ADGRF3: variants seen among roughly 807,000 people sequenced by gnomAD.
ADGRF3 encodes the protein adhesion G protein-coupled receptor F3.
ADGRF3 carries 85 observed loss-of-function variants against 93.2 expected under a neutral mutation model. That is an observed-to-expected ratio of 0.91 (90% CI 0.77 to 1.09). ADGRF3 has a LOEUF of 1.09. ADGRF3 is among the 50% of genes least tolerant of loss of function. The probability of loss-of-function intolerance (pLI) is 0.00; values close to 1 mark genes in which losing one functional copy is unlikely to be tolerated. For missense variants in ADGRF3, 1,125 were observed against 1,246.2 expected (o/e 0.90, Z 1.46); for synonymous variants, 534 against 532.5 (o/e 1.00, Z -0.04).
Position 26,310,193 on chromosome 2 carries a change from T to A in ADGRF3, c.2874+3A>T. On this transcript the variant is annotated splice_donor_region_variant and intron_variant, in intron 11 of 13. Transcript: ENST00000651242. ...AGGCAGGGGGTTAGGTGGGCAGACT[T>A]ACCTTCCTGTCCATGAGGCAACCAA... 6.2e-7 allele frequency: 1 copy of A among 1,614,026 alleles called. No homozygotes were observed. The highest frequency in any genetic ancestry group is 2.2e-5 in the East Asian group (1 of 44,872).
rs770086924 is a variant in ADGRF3 at position 26,311,779 on chromosome 2, G to T, written c.1745C>A (p.Thr582Asn). 1.2e-6 allele frequency: 2 copies of T among 1,613,738 alleles called. No homozygotes were observed. Among genetic ancestry groups the T allele is most frequent in the Middle Eastern group, 1.7e-4 (1 of 6,060 alleles). ...CACCAGGCTAGTAATACTTATTTCA[G>T]TTCCATTACGGACCAATGGGGCCAG... ...HSLAPLVRNG[T>N]EISITSLVLR... The change falls in exon 10 of 14, where the codon ACT becomes AAT. Residue 582 changes from threonine to asparagine, a missense_variant. Physicochemically the swap from Thr to Asn is moderately conservative, Grantham distance 65. Coordinates refer to ENST00000651242, the MANE Select transcript of ADGRF3 (RefSeq NM_001321971.2).
intron 5 of ADGRF3, 21 bp from the exon 6 acceptor site, chr2:26,314,644 C>T (rs372817841): frequency 2.8e-4 from 445 of 1,588,898 alleles, no homozygotes; most frequent in Middle Eastern, 6.6e-4. Context: ...GTGTGTGCGG[C>T]GCTATGTGGC....
chr2:26,316,297 C>T lies in ADGRF3; in HGVS notation c.477G>A (p.Gly159=). 1.9e-6 allele frequency: 3 copies of T among 1,551,712 alleles called. No homozygotes were observed. The highest frequency in any genetic ancestry group is 2.6e-6 in the Non-Finnish European group (3 of 1,146,940). Residue 159 remains glycine (G), a synonymous_variant, in exon 4 of 14, where the codon GGG becomes GGA. Coordinates refer to ENST00000651242, the MANE Select transcript of ADGRF3 (RefSeq NM_001321971.2). ...CACCAGGTGGCAGCAACTGGCAGTA[C>T]CCGGGTTCGGGATGGCTGAAGACAA... is the stretch of plus-strand genomic sequence containing the variant. ...GCLVFSHPEP[G]YCQLLPPVPG...
chr2:26,310,704 G>T lies in ADGRF3; in HGVS notation c.2820C>A (p.Leu940=). ...STVPHYIFTI[L]NTLQGVFILL... is the part of the protein sequence containing the mutation. ...CCCTATCACCTACCTGGAGGGTGTT[G>T]AGAATGGTGAAGATGTAATGAGGGA... The change falls in exon 10 of 14, where the codon CTC becomes CTA. Residue 940 remains leucine (L), a synonymous_variant. Coordinates refer to ENST00000651242, the MANE Select transcript of ADGRF3 (RefSeq NM_001321971.2). 1 of 1,611,432 alleles carries T rather than the reference G, an allele frequency of 6.2e-7. No homozygotes were observed. Among genetic ancestry groups the T allele is most frequent in the South Asian group, 1.1e-5 (1 of 90,496 alleles).
chr2:26,319,562 C>CTTCCTTCCCTTCTTTCT (rs1674994868), intron 1 of ADGRF3, among the ~76,000 whole-genome samples: 1 of 34,576 alleles, frequency 2.9e-5, no homozygotes, highest in Non-Finnish European at 6.4e-5. Flanking sequence ...TCCCTCCCTC[C>CTTCCTTCCCTTCTTTCT]CTCCCTTCCT....
Position 26,315,792 on chromosome 2 carries a change from A to G in ADGRF3, c.500-52T>C, listed in dbSNP as rs1478401909. On this transcript the variant is annotated intron_variant, in intron 4 of 13. Coordinates refer to ENST00000651242, the MANE Select transcript of ADGRF3 (RefSeq NM_001321971.2). ...CCTGGAGGAGGGACTTATGGCCCTC[A>G]GATGCAGCCGAGCAATGGCTTCTCC... is the stretch of plus-strand genomic sequence containing the variant. 2.6e-6 allele frequency: 4 copies of G among 1,547,372 alleles called. No homozygotes were observed. In the African/African-American group the frequency reaches 4.1e-5, roughly 16 times the overall value.
intron 4 of ADGRF3, 149 bp from the exon 5 acceptor site, chr2:26,315,889 G>T: frequency 8.5e-7 from 1 of 1,182,920 alleles, no homozygotes; most frequent in African/African-American, 1.5e-5. Flanking sequence ...CCCTGGGTGG[G>T]CACCTGAATG....
At chr2:26,345,104 A>G (rs1272666942) in intron 1 of ADGRF3, among the ~76,000 whole-genome samples, 1 of 152,124 alleles carries the variant, frequency 6.6e-6, no homozygotes, top group African/African-American at 2.4e-5. Context: ...ATCATTTCCG[A>G]GCTTCGTAAC....
At chr2:26,312,345 C>T (rs1191301272) in intron 9 of ADGRF3, among the ~76,000 whole-genome samples, 1 of 152,220 alleles carries the variant, frequency 6.6e-6, no homozygotes, top group Non-Finnish European at 1.5e-5. Flanking sequence ...TCTTCCCCCT[C>T]CATCCCTAGG....
At chr2:26,317,192 A>C in intron 2 of ADGRF3, 137 bp from the exon 3 acceptor site, 1 of 917,814 alleles carries the variant, frequency 1.1e-6, no homozygotes, top group East Asian at 2.6e-5. Flanking sequence ...AGGTGCATAT[A>C]GACAGGGCTC....
At chr2:26,332,939 A>C (rs915585495) in intron 1 of ADGRF3, among the ~76,000 whole-genome samples, 5 of 152,056 alleles carry the variant, frequency 3.3e-5, no homozygotes, top group Non-Finnish European at 7.4e-5. Flanking sequence ...AGATTAAGAA[A>C]GTTTTAAATT....
chr2:26,309,999 A>T, intron 12 of ADGRF3, 44 bp downstream of exon 12: 1 of 1,614,064 alleles, frequency 6.2e-7, no homozygotes, highest in Non-Finnish European at 8.5e-7. Context: ...GCCTTCTGAC[A>T]TGCTCTTGGA....
At chr2:26,340,102 A>G (rs1676285901) in intron 1 of ADGRF3, among the ~76,000 whole-genome samples, 1 of 152,122 alleles carries the variant, frequency 6.6e-6, no homozygotes, top group Non-Finnish European at 1.5e-5. Context: ...CCTGTGTTCA[A>G]TTGCAATTTT....
rs891633465 is a variant in ADGRF3, at chr2:26,343,508, C to T, written c.114+2613G>A. 2.6e-5 allele frequency among the ~76,000 whole-genome samples: 4 copies of T among 152,000 alleles called. 1 individual carries two copies. The highest frequency in any genetic ancestry group is 2.6e-4 in the Admixed American group (4 of 15,258). On this transcript the variant is annotated intron_variant, in intron 1 of 13. Transcript: ENST00000651242. Reference sequence around the variant, plus strand: ...AGACTGGAGTGCAGTGGCGCGATCTCGGCTCACTGCAAGCTCCGCCTCCCG... The same window carrying T: ...AGACTGGAGTGCAGTGGCGCGATCTTGGCTCACTGCAAGCTCCGCCTCCCG...
chr2:26,345,454 G>A (rs1029466403), intron 1 of ADGRF3, among the ~76,000 whole-genome samples: 12 of 152,174 alleles, frequency 7.9e-5, no homozygotes, highest in Admixed American at 3.9e-4. Flanking sequence ...GGAGTGCGAT[G>A]AGGCGGTCCA....
chr2:26,323,409 T>C (rs1675266819), intron 1 of ADGRF3, among the ~76,000 whole-genome samples: 1 of 152,188 alleles, frequency 6.6e-6, no homozygotes, highest in African/African-American at 2.4e-5. Flanking sequence ...GCTCCTAGGT[T>C]GCTCCTGGAC....
intron 1 of ADGRF3, among the ~76,000 whole-genome samples, chr2:26,330,146 A>G (rs1437809282): frequency 1.3e-5 from 2 of 152,186 alleles, no homozygotes; most frequent in African/African-American, 2.4e-5. Flanking sequence ...TTCAACATCA[A>G]TTCTCATTTC....
intron 1 of ADGRF3, among the ~76,000 whole-genome samples, chr2:26,333,316 T>C (rs915701658): frequency 6.6e-6 from 1 of 150,572 alleles, no homozygotes; most frequent in African/African-American, 2.4e-5. Context: ...TATTATGATA[T>C]AGGTGTAGGC....
Position 26,313,140 on chromosome 2 carries a change from G to A in ADGRF3, c.1270-18C>T. 6.2e-7 allele frequency: 1 copy of A among 1,612,902 alleles called. No homozygotes were observed. The highest frequency in any genetic ancestry group is 1.3e-5 in the African/African-American group (1 of 75,060). On this transcript the variant is annotated intron_variant, in intron 8 of 13. Coordinates refer to ENST00000651242, the MANE Select transcript of ADGRF3 (RefSeq NM_001321971.2). ...TGCAGCAGCTGAGACAGACGAGACA[G>A]CATGAAGTGGGACACATGGTGGAAT...
Sources: gnomAD v4.1 joint callset for allele counts (sites outside exome capture counted in the v4.1 genomes callset) on GRCh38, gnomAD v4.1.1 for gene constraint, MANE v1.5 for transcripts, NCBI Gene and HGNC (gene_info 2026-07-23, HGNC 2026-07-21) for gene names.